The following SEPSECS variants were observed in gnomAD, a reference collection of about 807,000 sequenced individuals.
SEPSECS encodes O-phosphoseryl-tRNA(Sec) selenium transferase.
SEPSECS carries 42 observed loss-of-function variants against 52.1 expected under a neutral mutation model. That is an observed-to-expected ratio of 0.81 (90% CI 0.63 to 1.04). SEPSECS has a LOEUF of 1.04. Ranked by LOEUF, SEPSECS falls within the 50% of genes least tolerant of loss-of-function variation. SEPSECS has a pLI of 0.00. For missense variants in SEPSECS, 590 were observed against 610.6 expected, an observed-to-expected ratio of 0.97 and a Z score of 0.36; for synonymous variants, 216 against 211.4, an observed-to-expected ratio of 1.02 and a Z score of -0.19.
chr4:25,157,515 A>G (rs1461859453), intron 2 of SEPSECS, among the ~76,000 whole-genome samples: 2 of 151,962 alleles, frequency 1.3e-5, no homozygotes, highest in African/African-American at 2.4e-5. Flanking sequence ...ATAGAAAACT[A>G]GAATACATGA....
chr4:25,134,601 A>G (rs1728757293), intron 8 of SEPSECS, among the ~76,000 whole-genome samples: 2 of 152,168 alleles, frequency 1.3e-5, no homozygotes, highest in Admixed American at 6.5e-5. Context: ...TTTCAGACAC[A>G]TAATAGTAAT....
At position 25,121,019 on chromosome 4, in the gene SEPSECS, A is replaced by T. The variant is rs1577594901; in HGVS notation, c.*2912T>A. The T allele has an allele frequency of 6.6e-6, 1 of 152,186 alleles. No homozygotes were observed. Among genetic ancestry groups the T allele is most frequent in the Admixed American group, 6.5e-5 (1 of 15,284 alleles). 9.4% of individuals were successfully genotyped at this position (152,186 alleles called of 1,614,324 possible). ...AGTGAAGTGCTGATCATAATATTAG[A>T]AAAATTTAATTTATATTTAAATTTA... On this transcript the variant is annotated 3_prime_UTR_variant, in exon 11 of 11. Transcript: ENST00000382103.
intron 1 of SEPSECS, 94 bp downstream of exon 1, chr4:25,160,162 A>C: frequency 3.9e-6 from 6 of 1,530,712 alleles, no homozygotes; most frequent in South Asian, 2.4e-5. Flanking sequence ...TCAAGCAGCG[A>C]AGAGCTGCCG....
chr4:25,155,968 A>G (rs969244138), intron 4 of SEPSECS, 69 bp downstream of exon 4: 18 of 1,411,462 alleles, frequency 1.3e-5, no homozygotes, highest in Admixed American at 5.2e-5. Context: ...TCATTTATCT[A>G]TCTTTATATA....
chr4:25,128,009 G>A (rs1434784331), intron 8 of SEPSECS, among the ~76,000 whole-genome samples: 1 of 152,110 alleles, frequency 6.6e-6, no homozygotes, highest in Non-Finnish European at 1.5e-5. Flanking sequence ...CTTGGCAAAT[G>A]CTAAAGACAC....
At chr4:25,158,681 C>T (rs952239123) in intron 2 of SEPSECS, among the ~76,000 whole-genome samples, 3 of 151,982 alleles carry the variant, frequency 2.0e-5, no homozygotes, top group African/African-American at 7.2e-5. Context: ...TTAGGGTAAC[C>T]GTTCCTAAGA....
intron 8 of SEPSECS, among the ~76,000 whole-genome samples, chr4:25,143,387 CCTTAT>C (rs1711724609): frequency 1.3e-5 from 2 of 152,160 alleles, no homozygotes; most frequent in African/African-American, 4.8e-5. Context: ...TTTCTTCTTT[CCTTAT>C]ATTTTTTACC....
At chr4:25,156,447 G>A (rs536755304) in intron 3 of SEPSECS, among the ~76,000 whole-genome samples, 1 of 151,826 alleles carries the variant, frequency 6.6e-6, no homozygotes, top group African/African-American at 2.4e-5. Context: ...GCTCATGCCT[G>A]TAATCCCAGC....
chr4:25,140,078 A>G (rs7666342), intron 8 of SEPSECS, among the ~76,000 whole-genome samples: 59,291 of 152,068 alleles, frequency 0.39, 13,323 homozygotes, highest in Non-Finnish European at 0.5. Flanking sequence ...CTTACAGCTT[A>G]CTATCTGCAA....
chr4:25,146,756 A>G lies in SEPSECS; in HGVS notation c.805-1623T>C, dbSNP rs545755723. 1.8e-4 allele frequency among the ~76,000 whole-genome samples: 28 copies of G among 152,294 alleles called. No individual in the cohort carries two copies. In the South Asian group the frequency reaches 5.8e-3, roughly 32 times the overall value. Reference sequence around the variant, plus strand: ...GTACAAGACCCCCTTTTTCAGCTACATCTAAGTCATCAGTATATGCTCTAA... The same window carrying G: ...GTACAAGACCCCCTTTTTCAGCTACGTCTAAGTCATCAGTATATGCTCTAA... On this transcript the variant is annotated intron_variant, in intron 6 of 10. Coordinates refer to ENST00000382103, the MANE Select transcript of SEPSECS (RefSeq NM_016955.4).
intron 6 of SEPSECS, among the ~76,000 whole-genome samples, 155 bp from the exon 7 acceptor site, chr4:25,145,288 A>T (rs1711894100): frequency 6.6e-6 from 1 of 152,240 alleles, no homozygotes; most frequent in South Asian, 2.1e-4. Flanking sequence ...TCAAAACATC[A>T]AATTGTACAC....
intron 8 of SEPSECS, among the ~76,000 whole-genome samples, chr4:25,136,021 T>C (rs1200844148): frequency 3.3e-5 from 5 of 152,158 alleles, no homozygotes. Context: ...TGTTAAAAAC[T>C]CTCAATAAAT....
At chr4:25,146,503 C>G (rs546442706) in intron 6 of SEPSECS, among the ~76,000 whole-genome samples, 12 of 152,148 alleles carry the variant, frequency 7.9e-5, no homozygotes, top group Admixed American at 3.9e-4. Context: ...TGCGAAGTAG[C>G]AGCATATAAA....
intron 6 of SEPSECS, among the ~76,000 whole-genome samples, chr4:25,151,106 C>G (rs912142841): frequency 2.6e-5 from 4 of 152,170 alleles, no homozygotes; most frequent in African/African-American, 9.7e-5. Context: ...ACTATATAGC[C>G]TGTATCATAC....
intron 8 of SEPSECS, among the ~76,000 whole-genome samples, chr4:25,143,011 T>C (rs1039552316): frequency 2.1e-4 from 32 of 152,188 alleles, no homozygotes; most frequent in African/African-American, 7.7e-4. Context: ...AACTAAACTC[T>C]CATAGAAGCA....
chr4:25,137,989 C>T (rs1728910682), intron 8 of SEPSECS, among the ~76,000 whole-genome samples: 1 of 152,122 alleles, frequency 6.6e-6, no homozygotes, highest in South Asian at 2.1e-4. Flanking sequence ...CGCATCGTCT[C>T]ACTCTAAGTG....
Position 25,160,020 on chromosome 4 carries a change from T to A in SEPSECS, c.114+236A>T, listed in dbSNP as rs368263322. ...ATCCCGAAGTTAGAAACAGCGGGAC[T>A]CAAAACCCCGACCCCAACACCCCCT... is the stretch of plus-strand genomic sequence containing the variant. On this transcript the variant is annotated intron_variant, in intron 1 of 10. Transcript: ENST00000382103. 3.0e-5 allele frequency: 30 copies of A among 985,220 alleles called. No individual in the cohort carries two copies. The African/African-American group carries it at 4.7e-4, about 15-fold the overall frequency. The allele number at this position is 985,220 out of a possible 1,614,324, so 61.0% of individuals were successfully genotyped here. A position where few individuals can be genotyped will look rare whatever the true frequency, so the allele number is the denominator to read the frequency against.
At chr4:25,157,441 A>G (rs973484882) in intron 2 of SEPSECS, among the ~76,000 whole-genome samples, 6 of 152,188 alleles carry the variant, frequency 3.9e-5, no homozygotes, top group Non-Finnish European at 8.8e-5. Context: ...TAATCCAAAA[A>G]GCTATGAGAG....
rs116355604 is a variant in SEPSECS at position 25,142,744 on chromosome 4, G to A, written c.1026+2030C>T. On this transcript the variant is annotated intron_variant, in intron 8 of 10. Transcript: ENST00000382103. Reference sequence around the variant, plus strand: ...ACTGAAGAGACCATTGCGTTAAAAAGAAAAACTCAAATTTACAAAATGTCT... The same window carrying A: ...ACTGAAGAGACCATTGCGTTAAAAAAAAAAACTCAAATTTACAAAATGTCT... Among the ~76,000 whole-genome samples the A allele has an allele frequency of 9.5e-3, 1,448 of 152,174 alleles. 26 individuals carry two copies. The highest frequency in any genetic ancestry group is 0.033 in the African/African-American group (1,362 of 41,484).
Sources: allele counts gnomAD v4.1 joint callset (sites outside exome capture counted in the v4.1 genomes callset), GRCh38; gene constraint gnomAD v4.1.1; transcripts MANE v1.5; gene names NCBI Gene and HGNC (gene_info 2026-07-23, HGNC 2026-07-21).